MTHFS: variants seen among roughly 807,000 people sequenced by gnomAD.
The protein encoded by MTHFS is methenyltetrahydrofolate synthetase, also known as 5-formyltetrahydrofolate cyclo-ligase.
MTHFS carries 7 observed loss-of-function variants against 12.7 expected under a neutral mutation model. The observed-to-expected ratio is 0.55, with a 90% CI of 0.31 to 1.03. MTHFS has a LOEUF of 1.03. Ranked by LOEUF, MTHFS falls within the 50% of genes least tolerant of loss-of-function variation. The pLI, the probability that MTHFS is intolerant of heterozygous loss-of-function variation, is 0.05. For missense variants in MTHFS, 252 were observed against 258.1 expected (o/e 0.98, Z 0.16); for synonymous variants, 100 against 97.1 (o/e 1.03, Z -0.18).
At chr15:79,883,876 G>A (rs1029123643) in intron 2 of MTHFS, among the ~76,000 whole-genome samples, 1 of 152,176 alleles carries the variant, frequency 6.6e-6, no homozygotes, top group East Asian at 1.9e-4. Flanking sequence ...CAGACTAGAA[G>A]AGACTATCCT....
intron 2 of MTHFS, among the ~76,000 whole-genome samples, chr15:79,878,388 T>A (rs555499983): frequency 9.2e-5 from 14 of 151,522 alleles, no homozygotes; most frequent in African/African-American, 3.4e-4. Context: ...GAGTCAAGCT[T>A]ACACTGGCGC....
At chr15:79,882,753 G>A (rs2034317143) in intron 2 of MTHFS, among the ~76,000 whole-genome samples, 1 of 152,238 alleles carries the variant, frequency 6.6e-6, no homozygotes, top group African/African-American at 2.4e-5. Context: ...CAATTCAGGT[G>A]TAGTAGCACA....
chr15:79,864,320 G>A (rs1021131842), intron 2 of MTHFS, among the ~76,000 whole-genome samples: 8 of 152,062 alleles, frequency 5.3e-5, no homozygotes, highest in African/African-American at 1.7e-4. Context: ...TGAGGTGGGC[G>A]AAATACCAGA....
rs182367789 is a variant in MTHFS, at chr15:79,886,997, G to C, written c.379+2096C>G. ...GGCCTGTAATCCCAGCACTTTGGGA[G>C]GCCAGGGCAGGTGGATCATCTGAGG... On this transcript the variant is annotated intron_variant, in intron 2 of 2. Transcript: ENST00000258874. 6.0e-3 allele frequency among the ~76,000 whole-genome samples: 912 copies of C among 152,292 alleles called. 25 individuals are homozygous for C. Among genetic ancestry groups the C allele is most frequent in the East Asian group, 0.028 (146 of 5,188 alleles).
chr15:79,882,485 T>A (rs1222067340), intron 2 of MTHFS, among the ~76,000 whole-genome samples: 2 of 152,160 alleles, frequency 1.3e-5, no homozygotes, highest in East Asian at 3.8e-4. Context: ...CCAATCTAAG[T>A]ATTACTCCAT....
chr15:79,894,464 G>C (rs1403638109), intron 1 of MTHFS, among the ~76,000 whole-genome samples: 3 of 152,168 alleles, frequency 2.0e-5, no homozygotes, highest in African/African-American at 7.2e-5. Context: ...TGTTTGTACA[G>C]AGTAAAATGT....
At chr15:79,861,174 T>G (rs2033906781) in intron 2 of MTHFS, among the ~76,000 whole-genome samples, 1 of 152,174 alleles carries the variant, frequency 6.6e-6, no homozygotes, top group Admixed American at 6.5e-5. Flanking sequence ...TTACCCTCAT[T>G]TTCAAATGAT....
At chr15:79,886,875 T>G (rs1161742363) in intron 2 of MTHFS, among the ~76,000 whole-genome samples, 1 of 152,190 alleles carries the variant, frequency 6.6e-6, no homozygotes, top group Non-Finnish European at 1.5e-5. Flanking sequence ...AATGAATAAT[T>G]CTGACTTCCT....
At chr15:79,871,366 T>C (rs1233351384) in intron 2 of MTHFS, among the ~76,000 whole-genome samples, 2 of 151,776 alleles carry the variant, frequency 1.3e-5, no homozygotes, top group African/African-American at 2.4e-5. Flanking sequence ...ATGACAAAGG[T>C]AACAGAAAGA....
chr15:79,860,343 C>T (rs1029993815), intron 2 of MTHFS, among the ~76,000 whole-genome samples: 14 of 151,132 alleles, frequency 9.3e-5, no homozygotes, highest in Admixed American at 6.6e-5. Context: ...GAACAGAGAT[C>T]GCACCACTGC....
chr15:79,880,552 A>G (rs2141369174), intron 2 of MTHFS, among the ~76,000 whole-genome samples: 1 of 152,132 alleles, frequency 6.6e-6, no homozygotes, highest in East Asian at 1.9e-4. Flanking sequence ...AGGATATTTA[A>G]GTTACTGAAG....
At chr15:79,868,636 A>C (rs1237896181) in intron 2 of MTHFS, among the ~76,000 whole-genome samples, 1 of 152,232 alleles carries the variant, frequency 6.6e-6, no homozygotes, top group Non-Finnish European at 1.5e-5. Flanking sequence ...TAAAAGGCAG[A>C]AGAAGGAATT....
At chr15:79,864,547 C>CCAA (rs2033974844) in intron 2 of MTHFS, among the ~76,000 whole-genome samples, 1 of 64,514 alleles carries the variant, frequency 1.6e-5, no homozygotes, top group African/African-American at 7.5e-5. Flanking sequence ...TCCATCTCAA[C>CCAA]AAAAAAAAAA....
chr15:79,848,140 T>C (rs998179535), intron 2 of MTHFS, among the ~76,000 whole-genome samples: 2 of 152,236 alleles, frequency 1.3e-5, no homozygotes, highest in South Asian at 2.1e-4. Context: ...ATGTGGTACA[T>C]ACATTCAATG....
intron 2 of MTHFS, among the ~76,000 whole-genome samples, chr15:79,865,817 G>A (rs6495449): frequency 0.13 from 19,575 of 152,174 alleles, 1,392 homozygotes; most frequent in East Asian, 0.21. Flanking sequence ...CCCTCCGGCA[G>A]GTGCCTACAA....
intron 2 of MTHFS, among the ~76,000 whole-genome samples, chr15:79,884,688 C>G (rs2034352653): frequency 6.6e-6 from 1 of 151,784 alleles, no homozygotes. Flanking sequence ...TGGCTGCTAA[C>G]AGAAATATGA....
chr15:79,864,744 T>C (rs1158780134), intron 2 of MTHFS, among the ~76,000 whole-genome samples: 2 of 152,076 alleles, frequency 1.3e-5, no homozygotes, highest in East Asian at 3.9e-4. Context: ...AGTAGGACTC[T>C]CAGAATATTT....
chr15:79,886,058 C>A (rs963254824), intron 2 of MTHFS, among the ~76,000 whole-genome samples: 3 of 152,208 alleles, frequency 2.0e-5, no homozygotes, highest in Admixed American at 6.5e-5. Context: ...TTTCATTTAG[C>A]AATCTATTTC....
At chr15:79,866,775 A>G (rs71409258) in intron 2 of MTHFS, among the ~76,000 whole-genome samples, 16,375 of 151,964 alleles carry the variant, frequency 0.11, 1,112 homozygotes, top group South Asian at 0.21. Flanking sequence ...ACATGAAGAA[A>G]CCCCACCTCT....
Sources: gnomAD v4.1 joint callset for allele counts (sites outside exome capture counted in the v4.1 genomes callset) on GRCh38, gnomAD v4.1.1 for gene constraint, MANE v1.5 for transcripts, NCBI Gene and HGNC (gene_info 2026-07-23, HGNC 2026-07-21) for gene names.